The following DLG1 variants were observed in gnomAD, a reference collection of about 807,000 sequenced individuals.
DLG1 encodes discs large MAGUK scaffold protein 1.
Under a neutral mutation model 123.4 loss-of-function variants are expected in DLG1, and 42 were observed. The observed-to-expected ratio is 0.34, with a 90% CI of 0.27 to 0.44. The LOEUF is 0.44. Ranked by LOEUF, DLG1 falls within the 20% of genes least tolerant of loss-of-function variation. DLG1 has a pLI of 1.00. For synonymous variants in DLG1, 317 were observed against 356.2 expected, an observed-to-expected ratio of 0.89 and a Z score of 1.24; for missense variants, 942 against 1,082.6, an observed-to-expected ratio of 0.87 and a Z score of 1.82.
At chr3:197,220,482 T>C (rs1351440032) in intron 4 of DLG1, among the ~76,000 whole-genome samples, 2 of 152,104 alleles carry the variant, frequency 1.3e-5, no homozygotes, top group Non-Finnish European at 2.9e-5. Context: ...ATAATATATA[T>C]CACAGTGTAG....
rs767616500 is a variant in DLG1 at position 197,044,689 on chromosome 3, T to C, written c.2616A>G (p.Gln872=). 6.8e-6 allele frequency: 11 copies of C among 1,609,172 alleles called. No homozygotes were observed. Among genetic ancestry groups the C allele is most frequent in the Non-Finnish European group, 9.3e-6 (11 of 1,177,274 alleles). ...ATTGTTCTTCTATGATCTGTTTCAC[T>C]TGGTTGTAAATGTCTTCCAGCGTAT... ...QGDTLEDIYN[Q]VKQIIEEQSG... is the part of the protein sequence containing the mutation. The change falls in exon 25 of 25, where the codon CAA becomes CAG. Residue 872 remains glutamine (Q), a synonymous_variant. Coordinates refer to ENST00000667157, the MANE Select transcript of DLG1 (RefSeq NM_001366207.1).
chr3:197,137,676 G>T (rs541074774), intron 9 of DLG1, among the ~76,000 whole-genome samples: 1 of 151,874 alleles, frequency 6.6e-6, no homozygotes, highest in Non-Finnish European at 1.5e-5. Context: ...ATCAATAAAC[G>T]TAAGAATTTT....
chr3:197,214,353 T>A (rs1466446968), intron 4 of DLG1, among the ~76,000 whole-genome samples: 1 of 151,806 alleles, frequency 6.6e-6, no homozygotes, highest in African/African-American at 2.4e-5. Context: ...GGTGGGAGGA[T>A]CATGAGGTCA....
At chr3:197,122,938 T>G (rs1188318253) in intron 11 of DLG1, among the ~76,000 whole-genome samples, 1 of 152,098 alleles carries the variant, frequency 6.6e-6, no homozygotes, top group Admixed American at 6.5e-5. Flanking sequence ...CAATATTTAT[T>G]ATAAAATTAT....
chr3:197,247,686 T>C (rs934540957), intron 4 of DLG1, among the ~76,000 whole-genome samples: 1 of 152,200 alleles, frequency 6.6e-6, no homozygotes, highest in Admixed American at 6.5e-5. Context: ...TTGCTTTCTC[T>C]TATGTTTAGT....
At chr3:197,170,831 CTAGGTTGTCTTCT>C (rs904131309) in intron 5 of DLG1, among the ~76,000 whole-genome samples, 2 of 152,066 alleles carry the variant, frequency 1.3e-5, no homozygotes, top group Non-Finnish European at 2.9e-5. Context: ...ATGGTACTGC[CTAGGTTGTCTTCT>C]TAGGTTGTCT....
intron 5 of DLG1, chr3:197,183,509 G>A: frequency 7.3e-7 from 1 of 1,378,610 alleles, no homozygotes; most frequent in Non-Finnish European, 9.9e-7. Flanking sequence ...TCTATATTAA[G>A]ACATTTTTAC....
chr3:197,091,573 A>C (rs114231721), intron 14 of DLG1, among the ~76,000 whole-genome samples: 1,587 of 152,144 alleles, frequency 0.01, 29 homozygotes, highest in African/African-American at 0.036. Flanking sequence ...TTTATAAATT[A>C]TCAAAATTCA....
intron 23 of DLG1, among the ~76,000 whole-genome samples, chr3:197,054,588 G>A (rs759456286): frequency 1.4e-4 from 21 of 151,892 alleles, no homozygotes; most frequent in Non-Finnish European, 2.6e-4. Context: ...TTTATTTTTA[G>A]GTTTTTTATT....
At chr3:197,159,526 A>C (rs572236063) in intron 5 of DLG1, among the ~76,000 whole-genome samples, 1 of 152,306 alleles carries the variant, frequency 6.6e-6, no homozygotes, top group East Asian at 1.9e-4. Flanking sequence ...TTTTATTTCT[A>C]ATACATCCTA....
intron 5 of DLG1, among the ~76,000 whole-genome samples, chr3:197,152,419 C>CTTT (rs768327685): frequency 0.025 from 2,331 of 94,634 alleles, 112 homozygotes; most frequent in Non-Finnish European, 0.033. Flanking sequence ...ATCCCAAAGT[C>CTTT]TTTTTTTTTT....
chr3:197,296,730 G>A, intron 2 of DLG1: 2 of 402,940 alleles, frequency 5.0e-6, no homozygotes, highest in East Asian at 3.9e-5. Context: ...GAATAAATGT[G>A]TACTGGTAGT....
At chr3:197,184,169 A>G in intron 5 of DLG1, 9 of 1,011,262 alleles carry the variant, frequency 8.9e-6, no homozygotes, top group Non-Finnish European at 1.1e-5. Context: ...GAGGTCGATT[A>G]GCAGGTAAAG....
intron 5 of DLG1, 114 bp downstream of exon 5, chr3:197,194,309 TGG>T: frequency 2.1e-6 from 1 of 487,498 alleles, no homozygotes; most frequent in Non-Finnish European, 3.1e-6. Context: ...GAAACTAAAA[TGG>T]GGGGGTGGGG....
At chr3:197,262,403 T>G (rs773446576) in intron 4 of DLG1, among the ~76,000 whole-genome samples, 31 of 152,194 alleles carry the variant, frequency 2.0e-4, no homozygotes, top group Non-Finnish European at 4.3e-4. Context: ...GCCCTATGTA[T>G]CTCTTTTTCT....
chr3:197,177,282 T>C (rs993701073), intron 5 of DLG1, among the ~76,000 whole-genome samples: 2 of 152,144 alleles, frequency 1.3e-5, no homozygotes, highest in African/African-American at 4.8e-5. Context: ...CTGTGAATGT[T>C]TGGGGAGTCA....
At chr3:197,131,632 C>G (rs376958910) in intron 10 of DLG1, among the ~76,000 whole-genome samples, 2 of 116,324 alleles carry the variant, frequency 1.7e-5, no homozygotes, top group South Asian at 5.7e-4. Flanking sequence ...CTCGCTCTGT[C>G]GCCCAGGCTG....
chr3:197,166,217 G>C (rs1336214687), intron 5 of DLG1, among the ~76,000 whole-genome samples: 1 of 152,206 alleles, frequency 6.6e-6, no homozygotes, highest in Non-Finnish European at 1.5e-5. Flanking sequence ...TCTGGAGCCT[G>C]AGCAGCGTGA....
At chr3:197,148,961 A>G (rs937083719) in intron 6 of DLG1, among the ~76,000 whole-genome samples, 1 of 152,210 alleles carries the variant, frequency 6.6e-6, no homozygotes, top group Non-Finnish European at 1.5e-5. Flanking sequence ...TGCTCTTTTG[A>G]TAACATAATG....
Sources: allele counts gnomAD v4.1 joint callset (sites outside exome capture counted in the v4.1 genomes callset), GRCh38; gene constraint gnomAD v4.1.1; transcripts MANE v1.5; gene names NCBI Gene and HGNC (gene_info 2026-07-23, HGNC 2026-07-21).